PUM1: variants seen among roughly 807,000 people sequenced by gnomAD.
PUM1 encodes pumilio homolog 1.
A neutral mutation model predicts 131.8 loss-of-function variants in PUM1; 13 were observed. The observed-to-expected ratio is 0.10, with a 90% CI of 0.06 to 0.16. The LOEUF is 0.16. PUM1 is among the 10% of genes least tolerant of loss of function. The probability of loss-of-function intolerance (pLI) is 1.00; values close to 1 mark genes in which losing one functional copy is unlikely to be tolerated. For synonymous variants in PUM1, 509 were observed against 556.5 expected, an observed-to-expected ratio of 0.91 and a Z score of 1.20; for missense variants, 961 against 1,512.4, an observed-to-expected ratio of 0.64 and a Z score of 6.05.
At chr1:30,965,661 T>C (rs1640589454) in intron 13 of PUM1, among the ~76,000 whole-genome samples, 1 of 152,250 alleles carries the variant, frequency 6.6e-6, no homozygotes. Context: ...CTATCTTTAG[T>C]AAGTCCTCCT....
At chr1:31,034,594 T>C (rs1643543402) in intron 2 of PUM1, among the ~76,000 whole-genome samples, 1 of 152,182 alleles carries the variant, frequency 6.6e-6, no homozygotes, top group Admixed American at 6.5e-5. Flanking sequence ...TACAGTGCCC[T>C]TTAAAAAAAC....
rs1329347416 is a variant in PUM1, at chr1:31,022,168, C to A, written c.432+6628G>T. ...ATTTAATCTTAGGGCTCATTCTGCT[C>A]ATCTAAAAAAAAATGGGAATAATAC... On this transcript the variant is annotated intron_variant, in intron 3 of 21. Transcript: ENST00000426105. 2.2e-5 allele frequency among the ~76,000 whole-genome samples: 3 copies of A among 135,540 alleles called. No individual in the cohort carries two copies. In the East Asian group the frequency reaches 8.1e-4, roughly 37 times the overall value. The allele number at this position is 135,540 out of a possible 152,430, so 88.9% of individuals were successfully genotyped here.
rs1641880146 is a variant in PUM1, at chr1:30,993,637, A to G, written c.888-977T>C. ...TCTTTCTCTCACTCACACACTCACC[A>G]CCACCACCACCAGCCCCCATTTAAA... is the stretch of plus-strand genomic sequence containing the variant. On this transcript the variant is annotated intron_variant, in intron 6 of 21. Transcript: ENST00000426105. Among the ~76,000 whole-genome samples the G allele has an allele frequency of 2.0e-5, 3 of 151,902 alleles. No homozygotes were observed. The South Asian group carries it at 6.3e-4, about 32-fold the overall frequency.
intron 3 of PUM1, among the ~76,000 whole-genome samples, chr1:31,017,728 C>T (rs1570280556): frequency 1.3e-5 from 2 of 152,078 alleles, no homozygotes; most frequent in African/African-American, 2.4e-5. Flanking sequence ...CACCTGGAAA[C>T]TGGCCATCAA....
chr1:31,062,796 C>T (rs1489063690), intron 1 of PUM1, among the ~76,000 whole-genome samples: 2 of 152,174 alleles, frequency 1.3e-5, no homozygotes, highest in African/African-American at 2.4e-5. Flanking sequence ...AACAAATCTA[C>T]TATCTCTCTG....
At chr1:30,942,899 T>C (rs1639515297) in intron 18 of PUM1, among the ~76,000 whole-genome samples, 1 of 152,012 alleles carries the variant, frequency 6.6e-6, no homozygotes, top group Non-Finnish European at 1.5e-5. Flanking sequence ...CTACAGGCAC[T>C]TGCCACCACA....
In PUM1 at chr1:30,976,961, G is replaced by A. The variant is rs1395515193; in HGVS notation, c.1355-2159C>T. The stretch of plus-strand genomic sequence containing the variant: ...CAAAAAAGACCCTAACTGTGCCTTA[G>A]TTTCCTCACCTGTAAAAATGGGTAA... On this transcript the variant is annotated intron_variant, in intron 9 of 21. Transcript: ENST00000426105. Among the ~76,000 whole-genome samples the A allele has an allele frequency of 2.0e-5, 3 of 152,102 alleles. No individual in the cohort carries two copies. The East Asian group carries it at 5.8e-4, about 29-fold the overall frequency.
chr1:30,931,761 A>G lies in PUM1; in HGVS notation c.*1450T>C, dbSNP rs1202442772. Reference sequence around the variant, plus strand: ...CAGTATGTTACATTCACTTACAAGTAGACAAAATGCAAAATACAGTTCATC... The same window carrying G: ...CAGTATGTTACATTCACTTACAAGTGGACAAAATGCAAAATACAGTTCATC... On this transcript the variant is annotated 3_prime_UTR_variant, in exon 22 of 22. Coordinates refer to ENST00000426105, the MANE Select transcript of PUM1 (RefSeq NM_001020658.2). The G allele has an allele frequency of 1.3e-5, 2 of 152,680 alleles. No homozygotes were observed. Among genetic ancestry groups the G allele is most frequent in the African/African-American group, 4.8e-5 (2 of 41,468 alleles). The allele number at this position is 152,680 out of a possible 1,614,324, so 9.5% of individuals were successfully genotyped here. A position where few individuals can be genotyped will look rare whatever the true frequency, so the allele number is the denominator to read the frequency against.
Position 30,933,104 on chromosome 1 carries a change from C to G in PUM1, c.*107G>C, listed in dbSNP as rs1557539203. 1.5e-6 allele frequency: 2 copies of G among 1,368,012 alleles called. No individual in the cohort carries two copies. The highest frequency in any genetic ancestry group is 5.1e-5 in the East Asian group (2 of 38,918). The allele number at this position is 1,368,012 out of a possible 1,614,324, so 84.7% of individuals were successfully genotyped here. ...GAGGAGGGAGTAATCCTGGAGCAACCACTTGCCCGTCTCAGACTCTACACT... is the reference window on the plus strand; with the variant it reads ...GAGGAGGGAGTAATCCTGGAGCAACGACTTGCCCGTCTCAGACTCTACACT... On this transcript the variant is annotated 3_prime_UTR_variant, in exon 22 of 22. Coordinates refer to ENST00000426105, the MANE Select transcript of PUM1 (RefSeq NM_001020658.2).
chr1:31,058,997 G>A (rs1014586202), intron 2 of PUM1, among the ~76,000 whole-genome samples: 1 of 152,096 alleles, frequency 6.6e-6, no homozygotes, highest in Non-Finnish European at 1.5e-5. Context: ...ATGAATGAAT[G>A]AATGAATTGG....
At chr1:31,023,370 C>T (rs1179096780) in intron 3 of PUM1, among the ~76,000 whole-genome samples, 1 of 152,106 alleles carries the variant, frequency 6.6e-6, no homozygotes, top group African/African-American at 2.4e-5. Context: ...TTATGGCACC[C>T]TAATTGCAAA....
Position 30,933,243 on chromosome 1 carries a change from G to T in PUM1, c.3535C>A (p.Pro1179Thr). ...YYMKNGVDLG[P>T]ICGPPNGII ...ATACCATTAGGGGGGCCACAGATGG[G>T]CCCTAAGTCAACACCGTTCTTCATG... The change falls in exon 22 of 22, where the codon CCC (proline) becomes ACC (threonine). Residue 1179 changes from proline to threonine, a missense_variant. Physicochemically the swap from Pro to Thr is conservative, Grantham distance 38. This residue lies in a region of PUM1 where 178 missense variants were observed against 327.5 expected (regional missense o/e 0.54). Coordinates refer to ENST00000426105, the MANE Select transcript of PUM1 (RefSeq NM_001020658.2). 6.2e-7 allele frequency: 1 copy of T among 1,613,676 alleles called. No individual in the cohort carries two copies. The highest frequency in any genetic ancestry group is 8.5e-7 in the Non-Finnish European group (1 of 1,179,800).
chr1:30,977,198 T>C (rs1382191476), intron 9 of PUM1, among the ~76,000 whole-genome samples: 4 of 152,236 alleles, frequency 2.6e-5, no homozygotes, highest in Non-Finnish European at 5.9e-5. Context: ...CTGTGTGTTA[T>C]GTGCCTGTGG....
chr1:30,961,398 C>A (rs1640401311), intron 14 of PUM1, among the ~76,000 whole-genome samples: 2 of 150,066 alleles, frequency 1.3e-5, no homozygotes, highest in African/African-American at 2.5e-5. Context: ...GTGGTGTGTG[C>A]TTACAGTACC....
chr1:31,009,791 A>AAACAAC (rs1157379117), intron 3 of PUM1, among the ~76,000 whole-genome samples: 1 of 151,440 alleles, frequency 6.6e-6, no homozygotes, highest in East Asian at 1.9e-4. Flanking sequence ...AAAAAAACAA[A>AAACAAC]AACAGAAACA....
chr1:31,030,200 T>G (rs759142622), intron 2 of PUM1, among the ~76,000 whole-genome samples: 2 of 151,336 alleles, frequency 1.3e-5, no homozygotes, highest in Non-Finnish European at 2.9e-5. Flanking sequence ...CAGAGCGAGA[T>G]TCTGTCTCAA....
At chr1:30,973,828 G>T (rs1260462717) in intron 10 of PUM1, among the ~76,000 whole-genome samples, 1 of 151,860 alleles carries the variant, frequency 6.6e-6, no homozygotes, top group Non-Finnish European at 1.5e-5. Context: ...CGGTGGTCAC[G>T]CCTGTAATCC....
At chr1:31,042,410 A>G (rs1227356289) in intron 2 of PUM1, among the ~76,000 whole-genome samples, 2 of 152,158 alleles carry the variant, frequency 1.3e-5, no homozygotes, top group African/African-American at 2.4e-5. Context: ...TATATTCAAC[A>G]TATCTACTAA....
intron 2 of PUM1, among the ~76,000 whole-genome samples, chr1:31,047,301 A>T (rs543358774): frequency 6.6e-6 from 1 of 152,324 alleles, no homozygotes; most frequent in African/African-American, 2.4e-5. Flanking sequence ...GAAGTCAAAG[A>T]AACTGAATGT....
Sources: gnomAD v4.1 joint callset for allele counts (sites outside exome capture counted in the v4.1 genomes callset) on GRCh38, gnomAD v4.1.1 for gene constraint, gnomAD v4.1.1 regional missense constraint, MANE v1.5 for transcripts, NCBI Gene and HGNC (gene_info 2026-07-23, HGNC 2026-07-21) for gene names.